The following RUNDC3B variants were observed in gnomAD, a reference collection of about 807,000 sequenced individuals.
The protein encoded by RUNDC3B is RUN domain containing 3B, also known as RUN domain-containing protein 3B.
A neutral mutation model predicts 58.4 loss-of-function variants in RUNDC3B; 33 were observed. The ratio of observed to expected loss-of-function variants is 0.56; its 90% CI spans 0.43 to 0.75. RUNDC3B has a LOEUF of 0.75. Ranked by LOEUF, RUNDC3B falls within the 30% of genes least tolerant of loss-of-function variation. The pLI, the probability that RUNDC3B is intolerant of heterozygous loss-of-function variation, is 0.00. For missense variants in RUNDC3B, 501 were observed against 535.7 expected (o/e 0.94, Z 0.64); for synonymous variants, 193 against 195.2 (o/e 0.99, Z 0.10).
Position 87,679,820 on chromosome 7 carries a change from G to A in RUNDC3B, c.239-20601G>A, listed in dbSNP as rs186073832. Reference sequence around the variant, plus strand: ...AAAAGAAACCTTAGCAAATTTAAAAGAATTGAAATCATATAAAGTATGTTC... The same window carrying A: ...AAAAGAAACCTTAGCAAATTTAAAAAAATTGAAATCATATAAAGTATGTTC... On this transcript the variant is annotated intron_variant, in intron 2 of 10. Transcript: ENST00000394654. 2.9e-4 allele frequency among the ~76,000 whole-genome samples: 44 copies of A among 150,698 alleles called. 1 individual carries two copies. The highest frequency in any genetic ancestry group is 5.9e-4 in the Non-Finnish European group (40 of 67,842).
At chr7:87,752,713 G>A (rs901630564) in intron 6 of RUNDC3B, among the ~76,000 whole-genome samples, 7 of 152,124 alleles carry the variant, frequency 4.6e-5, no homozygotes, top group Non-Finnish European at 8.8e-5. Context: ...TGTGGGATTG[G>A]TAGTGATATC....
chr7:87,818,202 T>A (rs531402262), intron 10 of RUNDC3B, among the ~76,000 whole-genome samples: 1 of 152,308 alleles, frequency 6.6e-6, no homozygotes, highest in East Asian at 1.9e-4. Flanking sequence ...ATTATAGGTA[T>A]TTTGATATCA....
intron 4 of RUNDC3B, among the ~76,000 whole-genome samples, chr7:87,727,927 C>T (rs918091084): frequency 6.6e-5 from 10 of 151,968 alleles, no homozygotes; most frequent in African/African-American, 2.2e-4. Flanking sequence ...ATTCATTATG[C>T]TCATTTTTAT....
At chr7:87,769,626 C>T (rs1834162344) in intron 6 of RUNDC3B, among the ~76,000 whole-genome samples, 1 of 151,606 alleles carries the variant, frequency 6.6e-6, no homozygotes, top group Admixed American at 6.6e-5. Flanking sequence ...ATATTAACAC[C>T]AGTATTTTTC....
Position 87,628,893 on chromosome 7 carries a change from C to A in RUNDC3B, c.70C>A (p.Leu24Met). 1 of 1,303,708 alleles carries A rather than the reference C, an allele frequency of 7.7e-7. No individual in the cohort carries two copies. The allele number at this position is 1,303,708 out of a possible 1,614,324, so 80.8% of individuals were successfully genotyped here. A position where few individuals can be genotyped will look rare whatever the true frequency, so the allele number is the denominator to read the frequency against. ...TGGCGGCGGAGGCGGCAAGAAAAGCCTGAGCGCCCGCAATGCTGCGGTGGA... is the reference window on the plus strand; with the variant it reads ...TGGCGGCGGAGGCGGCAAGAAAAGCATGAGCGCCCGCAATGCTGCGGTGGA... ...GGGGGGGKKS[L>M]SARNAAVERR... The change falls in exon 1 of 11, where the codon CTG becomes ATG. Residue 24 changes from leucine (L) to methionine (M), a missense_variant. By Grantham distance (15) the Leu-to-Met change is conservative. Coordinates refer to ENST00000394654, the MANE Select transcript of RUNDC3B (RefSeq NM_001134405.2).
intron 2 of RUNDC3B, among the ~76,000 whole-genome samples, chr7:87,669,568 A>T (rs1004123857): frequency 2.6e-5 from 4 of 152,118 alleles, no homozygotes; most frequent in African/African-American, 4.8e-5. Context: ...TTACAGTGAC[A>T]CTGGTCTGTG....
At chr7:87,631,551 C>T (rs1821223908) in intron 1 of RUNDC3B, among the ~76,000 whole-genome samples, 2 of 152,136 alleles carry the variant, frequency 1.3e-5, no homozygotes, top group Admixed American at 6.5e-5. Flanking sequence ...CCACCACGCC[C>T]GGCTAATTTT....
intron 10 of RUNDC3B, among the ~76,000 whole-genome samples, chr7:87,826,946 A>ATTTT (rs1837848060): frequency 6.6e-6 from 1 of 152,216 alleles, no homozygotes; most frequent in East Asian, 1.9e-4. Context: ...ACTAAAATAC[A>ATTTT]AACCTTCCTA....
At chr7:87,731,967 A>G (rs988993795) in intron 4 of RUNDC3B, among the ~76,000 whole-genome samples, 7 of 152,190 alleles carry the variant, frequency 4.6e-5, no homozygotes, top group African/African-American at 1.2e-4. Context: ...CAGAATTCAC[A>G]TTCTTCTCCT....
chr7:87,726,589 C>G (rs112970784), intron 4 of RUNDC3B, among the ~76,000 whole-genome samples: 4,305 of 152,106 alleles, frequency 0.028, 197 homozygotes, highest in African/African-American at 0.097. Context: ...TTTTTTGATT[C>G]CATATGAACT....
At chr7:87,710,839 T>C (rs1830007430) in intron 4 of RUNDC3B, among the ~76,000 whole-genome samples, 184 bp downstream of exon 4, 1 of 152,196 alleles carries the variant, frequency 6.6e-6, no homozygotes, top group Non-Finnish European at 1.5e-5. Flanking sequence ...AACATACATC[T>C]ACCTTTCTGT....
intron 8 of RUNDC3B, among the ~76,000 whole-genome samples, chr7:87,800,444 T>G (rs943586453): frequency 6.6e-6 from 1 of 152,214 alleles, no homozygotes; most frequent in Non-Finnish European, 1.5e-5. Flanking sequence ...TTGTGAATAG[T>G]GCTACAGTGG....
At chr7:87,786,645 T>C (rs1053472077) in intron 8 of RUNDC3B, among the ~76,000 whole-genome samples, 5 of 152,046 alleles carry the variant, frequency 3.3e-5, no homozygotes, top group African/African-American at 1.2e-4. Context: ...TTACAAACAA[T>C]ACTGGTAGTT....
At chr7:87,675,093 G>A (rs1826192283) in intron 2 of RUNDC3B, among the ~76,000 whole-genome samples, 1 of 152,194 alleles carries the variant, frequency 6.6e-6, no homozygotes, top group South Asian at 2.1e-4. Context: ...GTGAGAGCGG[G>A]CCGCTCCTCA....
intron 10 of RUNDC3B, among the ~76,000 whole-genome samples, chr7:87,816,905 A>C (rs1217650297): frequency 1.3e-5 from 2 of 152,166 alleles, no homozygotes; most frequent in African/African-American, 4.8e-5. Flanking sequence ...ATTTGGTTCA[A>C]AGCTCTTTTC....
chr7:87,715,808 G>T (rs115652614), intron 4 of RUNDC3B, among the ~76,000 whole-genome samples: 1,738 of 151,906 alleles, frequency 0.011, 40 homozygotes, highest in African/African-American at 0.04. Flanking sequence ...GATCAGAAAG[G>T]CTTATTAACT....
intron 8 of RUNDC3B, among the ~76,000 whole-genome samples, chr7:87,780,813 G>T (rs919636886): frequency 1.3e-5 from 2 of 152,014 alleles, no homozygotes; most frequent in Non-Finnish European, 2.9e-5. Flanking sequence ...TTTATTTCTA[G>T]GTTCTCTGTT....
chr7:87,701,814 T>C (rs1052456516), intron 3 of RUNDC3B, among the ~76,000 whole-genome samples: 1 of 152,148 alleles, frequency 6.6e-6, no homozygotes, highest in African/African-American at 2.4e-5. Flanking sequence ...TCTAATTATC[T>C]TGTAAAGACA....
intron 4 of RUNDC3B, among the ~76,000 whole-genome samples, chr7:87,733,249 C>T (rs567513899): frequency 4.6e-5 from 7 of 152,302 alleles, no homozygotes; most frequent in East Asian, 1.9e-4. Context: ...CCTGACTGTA[C>T]GTCCATTCAT....
Sources: allele counts gnomAD v4.1 joint callset (sites outside exome capture counted in the v4.1 genomes callset), GRCh38; gene constraint gnomAD v4.1.1; transcripts MANE v1.5; gene names NCBI Gene and HGNC (gene_info 2026-07-23, HGNC 2026-07-21).